ALG6: variants seen among roughly 807,000 people sequenced by gnomAD.
ALG6 encodes dolichyl pyrophosphate Man9GlcNAc2 alpha-1,3-glucosyltransferase.
A neutral mutation model predicts 66.6 loss-of-function variants in ALG6; 46 were observed. The ratio of observed to expected loss-of-function variants is 0.69; its 90% confidence interval spans 0.55 to 0.88. ALG6 has a LOEUF of 0.88. Ranked by LOEUF, ALG6 falls within the 40% of genes least tolerant of loss-of-function variation. The pLI is 0.00. For missense variants in ALG6, 505 were observed against 586.8 expected, an observed-to-expected ratio of 0.86 and a Z score of 1.44; for synonymous variants, 185 against 203.7, an observed-to-expected ratio of 0.91 and a Z score of 0.78.
chr1:63,378,085 A>G lies in ALG6; in HGVS notation c.82+7026A>G, dbSNP rs114491702. Among the ~76,000 whole-genome samples, 1,098 of 151,764 alleles carry G rather than the reference A, an allele frequency of 7.2e-3. 11 individuals are homozygous for G. The highest frequency in any genetic ancestry group is 0.026 in the African/African-American group (1,062 of 41,380). ...CCCTTGTGTTTAGCATTTTCTGTTC[A>G]CCCTTCTTACATATTGTATCTTTCT... On this transcript the variant is annotated intron_variant, in intron 2 of 14. Coordinates refer to ENST00000263440, the MANE Select transcript of ALG6 (RefSeq NM_013339.4).
At chr1:63,415,326 T>C (rs1322208551) in intron 10 of ALG6, among the ~76,000 whole-genome samples, 2 of 152,200 alleles carry the variant, frequency 1.3e-5, no homozygotes, top group African/African-American at 4.8e-5. Flanking sequence ...CTGCTTTTTC[T>C]AGTTCTTTTT....
chr1:63,427,952 A>C (rs774795174), intron 12 of ALG6, among the ~76,000 whole-genome samples: 3 of 151,806 alleles, frequency 2.0e-5, no homozygotes, highest in African/African-American at 7.3e-5. Context: ...GATTACAGGC[A>C]CGCACCACCA....
chr1:63,374,043 C>T (rs11208197), intron 2 of ALG6, among the ~76,000 whole-genome samples: 3,732 of 152,266 alleles, frequency 0.025, 117 homozygotes, highest in African/African-American at 0.079. Flanking sequence ...GTATTTACCA[C>T]AACCACTGAA....
intron 1 of ALG6, among the ~76,000 whole-genome samples, chr1:63,370,480 C>T (rs1296809122): frequency 6.6e-6 from 1 of 152,126 alleles, no homozygotes; most frequent in African/African-American, 2.4e-5. Flanking sequence ...TTGACTGTGT[C>T]ATTATCTACA....
chr1:63,396,369 T>C (rs974143902), intron 2 of ALG6, 144 bp from the exon 3 acceptor site: 5 of 722,668 alleles, frequency 6.9e-6, no homozygotes, highest in African/African-American at 3.5e-5. Context: ...ATTCAGATTT[T>C]ATCTCTCTGA....
At position 63,400,994 on chromosome 1, in the gene ALG6, G is replaced by A. The variant is rs76776100; in HGVS notation, c.168-1260G>A. ...TTGGTCTCCATTATTTGCCTGGCCCGGTTTCCCAGATTCAAGCTGCCAAAA... is the reference window on the plus strand; with the variant it reads ...TTGGTCTCCATTATTTGCCTGGCCCAGTTTCCCAGATTCAAGCTGCCAAAA... On this transcript the variant is annotated intron_variant, in intron 3 of 14. Transcript: ENST00000263440. Among the ~76,000 whole-genome samples the A allele has an allele frequency of 7.9e-5, 12 of 150,980 alleles. No homozygotes were observed. The East Asian group carries it at 1.8e-3, about 22-fold the overall frequency.
intron 12 of ALG6, among the ~76,000 whole-genome samples, chr1:63,422,328 T>A (rs1245392145): frequency 2.8e-5 from 3 of 108,292 alleles, no homozygotes; most frequent in African/African-American, 8.2e-5. Context: ...TATGAATATA[T>A]ATCTATAGGA....
chr1:63,400,321 G>A lies in ALG6; in HGVS notation c.168-1933G>A, dbSNP rs1434638367. ...CGTATATATATGTATATATATATACGTATATATATATATACGTATATATAT... is the reference window on the plus strand; with the variant it reads ...CGTATATATATGTATATATATATACATATATATATATATACGTATATATAT... On this transcript the variant is annotated intron_variant, in intron 3 of 14. Coordinates refer to ENST00000263440, the MANE Select transcript of ALG6 (RefSeq NM_013339.4). Among the ~76,000 whole-genome samples, 13 of 21,706 alleles carry A rather than the reference G, an allele frequency of 6.0e-4. 4 individuals carry two copies. Among genetic ancestry groups the A allele is most frequent in the African/African-American group, 2.9e-3 (11 of 3,782 alleles). 14.2% of individuals were successfully genotyped at this position (21,706 alleles called of 152,430 possible).
At chr1:63,394,347 C>A (rs1413537989) in intron 2 of ALG6, among the ~76,000 whole-genome samples, 1 of 152,132 alleles carries the variant, frequency 6.6e-6, no homozygotes, top group Non-Finnish European at 1.5e-5. Context: ...TTACTCTTTA[C>A]TAAATGGAGA....
intron 12 of ALG6, among the ~76,000 whole-genome samples, chr1:63,426,998 T>G (rs962375365): frequency 2.6e-5 from 4 of 152,028 alleles, no homozygotes; most frequent in African/African-American, 9.7e-5. Flanking sequence ...AAATGGAAAG[T>G]CCTCTAGTAA....
chr1:63,436,802 T>C (rs778422234), intron 14 of ALG6, 21 bp from the exon 15 acceptor site: 1 of 1,610,862 alleles, frequency 6.2e-7, no homozygotes, highest in South Asian at 1.1e-5. Context: ...TACTACTCAG[T>C]AATCCTTTTT....
Position 63,435,388 on chromosome 1 carries a change from CT to C in ALG6, c.1327-1434del, listed in dbSNP as rs1644672648. 8.5e-5 allele frequency among the ~76,000 whole-genome samples: 13 copies of C among 152,296 alleles called. No individual in the cohort carries two copies. In the South Asian group the frequency reaches 2.7e-3, roughly 32 times the overall value. On this transcript the variant is annotated intron_variant, in intron 14 of 14. Coordinates refer to ENST00000263440, the MANE Select transcript of ALG6 (RefSeq NM_013339.4). ...CTCAGGAATTTTTCCTTTAACGACA[CT>C]GGCAGCCTTTGTTTGTATCTGCTTG...
intron 12 of ALG6, among the ~76,000 whole-genome samples, chr1:63,427,973 A>T (rs1179976120): frequency 2.0e-5 from 3 of 150,910 alleles, no homozygotes; most frequent in Middle Eastern, 3.4e-3. Context: ...AGCCCAGCTA[A>T]TTTTTTTTGT....
chr1:63,410,267 T>G (rs1044145719), intron 7 of ALG6, among the ~76,000 whole-genome samples: 2 of 152,178 alleles, frequency 1.3e-5, no homozygotes, highest in Non-Finnish European at 2.9e-5. Flanking sequence ...ACTTTTTGTT[T>G]GTTTGTTTTT....
At chr1:63,387,652 C>T (rs555181019) in intron 2 of ALG6, among the ~76,000 whole-genome samples, 93 of 141,618 alleles carry the variant, frequency 6.6e-4, no homozygotes, top group African/African-American at 2.1e-3. Flanking sequence ...AAGTGATTCT[C>T]CTGCCTCAGC....
At chr1:63,384,816 A>G (rs1230949783) in intron 2 of ALG6, among the ~76,000 whole-genome samples, 1 of 152,038 alleles carries the variant, frequency 6.6e-6, no homozygotes, top group African/African-American at 2.4e-5. Flanking sequence ...TGGGTTCTCT[A>G]TTCTGTTCCA....
intron 2 of ALG6, among the ~76,000 whole-genome samples, chr1:63,389,729 A>G (rs979119803): frequency 3.3e-5 from 5 of 152,152 alleles, no homozygotes; most frequent in African/African-American, 1.2e-4. Context: ...AGGCTTTCCA[A>G]GTATTCAAAG....
chr1:63,415,537 TTTC>T (rs1482268952), intron 10 of ALG6, among the ~76,000 whole-genome samples: 3 of 152,194 alleles, frequency 2.0e-5, no homozygotes, highest in African/African-American at 7.2e-5. Flanking sequence ...TTCATTATGT[TTTC>T]TTATTTTGAG....
chr1:63,418,842 T>C (rs1644558324), intron 11 of ALG6, among the ~76,000 whole-genome samples: 1 of 152,220 alleles, frequency 6.6e-6, no homozygotes, highest in Non-Finnish European at 1.5e-5. Context: ...TCAAGGTTTT[T>C]GCTTGAGCAA....
Sources: gnomAD v4.1 joint callset for allele counts (sites outside exome capture counted in the v4.1 genomes callset) on GRCh38, gnomAD v4.1.1 for gene constraint, MANE v1.5 for transcripts, NCBI Gene and HGNC (gene_info 2026-07-23, HGNC 2026-07-21) for gene names.